Variants in TMEM41B observed in about 807,000 individuals in gnomAD.
TMEM41B encodes transmembrane protein 41B, also known as protein stasimon.
A neutral mutation model predicts 31.9 loss-of-function variants in TMEM41B; 18 were observed. That is an observed-to-expected ratio of 0.56 (90% confidence interval 0.39 to 0.84). TMEM41B has a LOEUF of 0.84. Among genes scored for constraint, TMEM41B ranks in the 40% least tolerant of loss-of-function variants. The probability of loss-of-function intolerance (pLI) is 0.00; values close to 1 mark genes in which losing one functional copy is unlikely to be tolerated. For synonymous variants in TMEM41B, 144 were observed against 124.3 expected, an observed-to-expected ratio of 1.16 and a Z score of -1.05; for missense variants, 322 against 348.0, an observed-to-expected ratio of 0.93 and a Z score of 0.59.
chr11:9,305,585 TATTAATTATAG>T (rs140610371), intron 1 of TMEM41B, among the ~76,000 whole-genome samples: 3,599 of 152,134 alleles, frequency 0.024, 132 homozygotes, highest in African/African-American at 0.082. Context: ...GGGCAACAGA[TATTAATTATAG>T]ATGAATTATA....
chr11:9,314,590 C>T lies in TMEM41B; in HGVS notation c.-149G>A, dbSNP rs992389924. 7.5e-5 allele frequency: 80 copies of T among 1,064,870 alleles called. No individual in the cohort carries two copies. Among genetic ancestry groups the T allele is most frequent in the Middle Eastern group, 6.0e-4 (2 of 3,358 alleles). 66.0% of individuals were successfully genotyped at this position (1,064,870 alleles called of 1,614,324 possible). A position where few individuals can be genotyped will look rare whatever the true frequency, so the allele number is the denominator to read the frequency against. ...CGAGACGACCTCAGCCCAGCGAGTA[C>T]TGCAACCTCCTGCAAACACCCGCAG... is the stretch of plus-strand genomic sequence containing the variant. On this transcript the variant is annotated 5_prime_UTR_variant, in exon 1 of 7. Transcript: ENST00000528080.
At chr11:9,288,261 A>G (rs1421018346) in intron 4 of TMEM41B, among the ~76,000 whole-genome samples, 181 bp downstream of exon 4, 1 of 152,216 alleles carries the variant, frequency 6.6e-6, no homozygotes, top group Non-Finnish European at 1.5e-5. Context: ...AACTAAGTCT[A>G]TAATTGGTCT....
At chr11:9,285,088 CTT>C (rs11405419) in intron 6 of TMEM41B, among the ~76,000 whole-genome samples, 12 of 131,160 alleles carry the variant, frequency 9.1e-5, no homozygotes, top group Non-Finnish European at 1.1e-4. Flanking sequence ...TTCCTTCTTT[CTT>C]TTTTTTTTTT....
chr11:9,314,001 T>C (rs1157001402), intron 1 of TMEM41B, among the ~76,000 whole-genome samples: 2 of 152,224 alleles, frequency 1.3e-5, no homozygotes, highest in African/African-American at 2.4e-5. Context: ...ACGCAGCGAA[T>C]GCCACAGTAC....
chr11:9,303,694 C>T (rs1853313246), intron 1 of TMEM41B, among the ~76,000 whole-genome samples: 1 of 139,860 alleles, frequency 7.2e-6, no homozygotes, highest in African/African-American at 2.7e-5. Context: ...TGCTCTGTGG[C>T]CCAGCCTCTG....
At chr11:9,303,650 C>CTTTTTTTTTT (rs71062827) in intron 1 of TMEM41B, among the ~76,000 whole-genome samples, 3 of 104,812 alleles carry the variant, frequency 2.9e-5, no homozygotes, top group Non-Finnish European at 3.7e-5. Flanking sequence ...TATTCTTTTT[C>CTTTTTTTTTT]TTTTTTTTTT....
intron 4 of TMEM41B, chr11:9,288,103 A>T: frequency 3.2e-6 from 1 of 313,704 alleles, no homozygotes; most frequent in Non-Finnish European, 5.6e-6. Flanking sequence ...CCTCCCCCCG[A>T]CCCTACCCCC....
In TMEM41B at chr11:9,287,718, A is replaced by G. The variant is rs1725112271; in HGVS notation, c.551T>C (p.Val184Ala). ...VVYKYLTEKA[V>A]KWSQQVERHR... is the part of the protein sequence containing the mutation. ...CATGTTTACCTGCTGTGACCATTTT[A>G]CTGCTTTCTCTGTTAGGTATTTGTA... Residue 184 changes from valine to alanine, a missense_variant, in exon 5 of 7, where the codon GTA becomes GCA. By Grantham distance (64) the Val-to-Ala change is moderately conservative (BLOSUM62 0). Transcript: ENST00000528080. 1.2e-6 allele frequency: 2 copies of G among 1,609,878 alleles called. No homozygotes were observed. Among genetic ancestry groups the G allele is most frequent in the Non-Finnish European group, 1.7e-6 (2 of 1,178,348 alleles).
chr11:9,296,688 A>G (rs2133626134), intron 2 of TMEM41B, among the ~76,000 whole-genome samples: 1 of 152,276 alleles, frequency 6.6e-6, no homozygotes, highest in Non-Finnish European at 1.5e-5. Flanking sequence ...ATTTTGGGTA[A>G]TCCTGATGAT....
chr11:9,311,600 TG>T, intron 1 of TMEM41B: 3 of 1,037,608 alleles, frequency 2.9e-6, no homozygotes, highest in Non-Finnish European at 2.9e-6. Context: ...GGTTGATAGG[TG>T]GTGAGTGGGC....
chr11:9,286,439 G>T lies in TMEM41B; in HGVS notation c.706+16C>A. On this transcript the variant is annotated intron_variant, in intron 6 of 6. Coordinates refer to ENST00000528080, the MANE Select transcript of TMEM41B (RefSeq NM_015012.4). Reference sequence around the variant, plus strand: ...TACACAGTGAGCTCATACACAGCAAGAACCAGAGGGCTTACCTAGAAAAGT... The same window carrying T: ...TACACAGTGAGCTCATACACAGCAATAACCAGAGGGCTTACCTAGAAAAGT... The T allele has an allele frequency of 6.2e-7, 1 of 1,603,646 alleles. No homozygotes were observed. The highest frequency in any genetic ancestry group is 8.5e-7 in the Non-Finnish European group (1 of 1,175,526).
At chr11:9,295,657 T>G (rs1853068046) in intron 2 of TMEM41B, among the ~76,000 whole-genome samples, 1 of 151,062 alleles carries the variant, frequency 6.6e-6, no homozygotes, top group Non-Finnish European at 1.5e-5. Flanking sequence ...GCCTCAGCCT[T>G]CTGAGAAGCT....
chr11:9,299,543 AAATAT>A (rs1853194887), intron 2 of TMEM41B, 36 bp downstream of exon 2: 1 of 1,336,168 alleles, frequency 7.5e-7, no homozygotes, highest in Non-Finnish European at 1.1e-6. Flanking sequence ...TTCATCTTAT[AAATAT>A]CTATACATTT....
chr11:9,294,316 G>A (rs1051944484), intron 3 of TMEM41B, among the ~76,000 whole-genome samples: 1 of 151,242 alleles, frequency 6.6e-6, no homozygotes, highest in African/African-American at 2.4e-5. Context: ...CCAACATGGT[G>A]AAACTCCGTC....
chr11:9,311,839 CA>C (rs1458418265), intron 1 of TMEM41B: 1 of 516,524 alleles, frequency 1.9e-6, no homozygotes, highest in Non-Finnish European at 3.5e-6. Context: ...CTCAAGTAGT[CA>C]AAGTGGTCCA....
chr11:9,285,499 C>A (rs951446638), intron 6 of TMEM41B, among the ~76,000 whole-genome samples: 1 of 152,026 alleles, frequency 6.6e-6, no homozygotes, highest in African/African-American at 2.4e-5. Context: ...GAAATCTGCT[C>A]GTATTTTTGA....
intron 6 of TMEM41B, among the ~76,000 whole-genome samples, chr11:9,285,363 G>A (rs544425087): frequency 4.9e-4 from 74 of 152,154 alleles, no homozygotes; most frequent in African/African-American, 1.3e-3. Context: ...GATTATAGGC[G>A]TGAACCACCG....
At chr11:9,290,038 A>AACACAC (rs138140225) in intron 3 of TMEM41B, among the ~76,000 whole-genome samples, 8,864 of 149,868 alleles carry the variant, frequency 0.059, 343 homozygotes, top group South Asian at 0.1. Flanking sequence ...TCAAAAACAA[A>AACACAC]ACACACACAC....
intron 2 of TMEM41B, among the ~76,000 whole-genome samples, chr11:9,299,321 T>TACACACACACACACACACACACACAC (rs1303303364): frequency 3.8e-4 from 4 of 10,514 alleles, no homozygotes; most frequent in East Asian, 4.1e-3. Context: ...TATATATACA[T>TACACACACACACACACACACACACAC]ACATACACAC....
Sources: gnomAD v4.1 joint callset for allele counts (sites outside exome capture counted in the v4.1 genomes callset) on GRCh38, gnomAD v4.1.1 for gene constraint, MANE v1.5 for transcripts, NCBI Gene and HGNC (gene_info 2026-07-23, HGNC 2026-07-21) for gene names.